Variants in SLC26A9 observed in about 807,000 individuals in gnomAD.
The protein encoded by SLC26A9 is anion transporter/exchanger protein 9.
Under a neutral mutation model 87.1 loss-of-function variants are expected in SLC26A9, and 46 were observed. The observed-to-expected ratio is 0.53, with a 90% CI of 0.42 to 0.67. The LOEUF (loss-of-function observed/expected upper bound fraction) is 0.67, where lower values mean the gene tolerates loss of function less well. Ranked by LOEUF, SLC26A9 falls within the 30% of genes least tolerant of loss-of-function variation. The probability of loss-of-function intolerance (pLI) is 0.00; values close to 1 mark genes in which losing one functional copy is unlikely to be tolerated. For missense variants in SLC26A9, 927 were observed against 1,018.3 expected, an observed-to-expected ratio of 0.91 and a Z score of 1.22; for synonymous variants, 437 against 409.1, an observed-to-expected ratio of 1.07 and a Z score of -0.82.
intron 1 of SLC26A9, among the ~76,000 whole-genome samples, chr1:205,936,072 C>T (rs994474163): frequency 1.3e-5 from 2 of 152,198 alleles, no homozygotes; most frequent in African/African-American, 2.4e-5. Context: ...TTTTGCTTGG[C>T]GCTCAGCACG....
In SLC26A9 at chr1:205,929,242, G is replaced by T. The variant is rs1659207440; in HGVS notation, c.832C>A (p.His278Asn). The change falls in exon 7 of 21, where the codon CAC (histidine) becomes AAC (asparagine). Residue 278 changes from histidine to asparagine, a missense_variant. By Grantham distance (68) the His-to-Asn change is moderately conservative. Transcript: ENST00000367135. ...GTAGGGATGGGGAAGCGAATCTTGT[G>T]CATGTAGCGAGCATTGAGCTCCTTC... ...LVKELNARYMHKIRFPIPTEM... is the reference protein window; with the variant it reads ...LVKELNARYMNKIRFPIPTEM... 6.2e-7 allele frequency: 1 copy of T among 1,614,088 alleles called. No individual in the cohort carries two copies. Among genetic ancestry groups the T allele is most frequent in the Non-Finnish European group, 8.5e-7 (1 of 1,180,050 alleles).
In SLC26A9 at chr1:205,915,390, G is replaced by A. The variant is rs1048463338; in HGVS notation, c.2343C>T (p.Ser781=). 1 of 1,614,134 alleles carries A rather than the reference G, an allele frequency of 6.2e-7. No homozygotes were observed. Residue 781 remains serine, a synonymous_variant, in exon 21 of 21, where the codon AGC becomes AGT. Transcript: ENST00000367135. ...YWDLEQEMFG[S]MFHAETLTAL is the part of the protein sequence containing the mutation. ...CGGTCAGGGTCTCTGCGTGAAACATGCTCCCGAACATCTCCTGCAGGAACC... is the reference window on the plus strand; with the variant it reads ...CGGTCAGGGTCTCTGCGTGAAACATACTCCCGAACATCTCCTGCAGGAACC...
In SLC26A9 at chr1:205,913,620, G is replaced by A. The variant is rs949903432; in HGVS notation, c.*1737C>T. 6.5e-6 allele frequency: 1 copy of A among 152,684 alleles called. No homozygotes were observed. The highest frequency in any genetic ancestry group is 1.5e-5 in the Non-Finnish European group (1 of 68,062). The allele number at this position is 152,684 out of a possible 1,614,324, so 9.5% of individuals were successfully genotyped here. ...AAGGAGGTGGAGTAGGGGAGAGTGA[G>A]TTGTCATTGGCTAAGGCTCTTGTCC... is the stretch of plus-strand genomic sequence containing the variant. On this transcript the variant is annotated 3_prime_UTR_variant, in exon 21 of 21. Coordinates refer to ENST00000367135, the MANE Select transcript of SLC26A9 (RefSeq NM_052934.4).
intron 10 of SLC26A9, 29 bp downstream of exon 10, chr1:205,927,463 C>T (rs780555608): frequency 6.2e-7 from 1 of 1,600,614 alleles, no homozygotes; most frequent in Non-Finnish European, 8.5e-7. Context: ...CTTACCACCT[C>T]CCCCCAACTC....
intron 18 of SLC26A9, among the ~76,000 whole-genome samples, 154 bp downstream of exon 18, chr1:205,920,022 C>T (rs1353312186): frequency 1.3e-5 from 2 of 152,136 alleles, no homozygotes; most frequent in Non-Finnish European, 2.9e-5. Context: ...TCTCTTTGGA[C>T]TTGTACCTGA....
At chr1:205,934,161 C>T (rs891098824) in intron 2 of SLC26A9, among the ~76,000 whole-genome samples, 2 of 152,214 alleles carry the variant, frequency 1.3e-5, no homozygotes, top group African/African-American at 4.8e-5. Context: ...AAAGACAATG[C>T]TTTGTACCTT....
chr1:205,929,810 CACG>C, intron 6 of SLC26A9, 79 bp downstream of exon 6: 1 of 1,466,594 alleles, frequency 6.8e-7, no homozygotes, highest in Non-Finnish European at 9.1e-7. Flanking sequence ...ATGAGGAGCT[CACG>C]ACATCTTAAA....
intron 19 of SLC26A9, among the ~76,000 whole-genome samples, chr1:205,918,123 C>T (rs1304134134): frequency 6.6e-6 from 1 of 152,118 alleles, no homozygotes; most frequent in Non-Finnish European, 1.5e-5. Flanking sequence ...TTATGACCCA[C>T]AGAGGGCAGG....
chr1:205,921,967 T>C, intron 16 of SLC26A9, 120 bp from the exon 17 acceptor site: 1 of 1,284,268 alleles, frequency 7.8e-7, no homozygotes, highest in Non-Finnish European at 1.1e-6. Context: ...TCGGTGATGG[T>C]GAACACAGAC....
At chr1:205,931,839 G>C (rs1436924446) in intron 5 of SLC26A9, 21 bp downstream of exon 5, 1 of 1,607,190 alleles carries the variant, frequency 6.2e-7, no homozygotes, top group South Asian at 1.1e-5. Flanking sequence ...CTTCTAGCAG[G>C]GTTGGGGGCT....
chr1:205,928,402 A>C (rs1659170934), intron 8 of SLC26A9: 3 of 374,758 alleles, frequency 8.0e-6, no homozygotes, highest in Admixed American at 4.0e-5. Flanking sequence ...GCCTGTTCCA[A>C]CCCTGCAGGA....
At chr1:205,932,566 C>A in intron 4 of SLC26A9, 136 bp downstream of exon 4, 1 of 656,600 alleles carries the variant, frequency 1.5e-6, no homozygotes, top group Non-Finnish European at 2.4e-6. Flanking sequence ...ATGACATTCA[C>A]AGTGACCATT....
rs761896346 is a variant in SLC26A9, at chr1:205,921,575, G to A, written c.2046C>T (p.Ala682=). The change falls in exon 17 of 21, where the codon GCC becomes GCT. Residue 682 remains alanine (A), a synonymous_variant. Transcript: ENST00000367135. ...TTCCCGAGGGCCTCACCTTGGCCAG[G>A]GCCTTGATGCCCATCAAGTCCACGA... is the stretch of plus-strand genomic sequence containing the variant. ...VSFVDLMGIK[A]LAKLSSTYGK... is the part of the protein sequence containing the mutation. 1.2e-5 allele frequency: 20 copies of A among 1,608,370 alleles called. No homozygotes were observed. The highest frequency in any genetic ancestry group is 1.7e-4 in the Middle Eastern group (1 of 6,052).
intron 16 of SLC26A9, among the ~76,000 whole-genome samples, chr1:205,922,109 C>T (rs1184679514): frequency 1.3e-5 from 2 of 152,214 alleles, no homozygotes; most frequent in Non-Finnish European, 2.9e-5. Flanking sequence ...AGCCCACTCT[C>T]TCTGGGAGAA....
intron 17 of SLC26A9, among the ~76,000 whole-genome samples, chr1:205,921,014 A>G (rs1195347143): frequency 6.6e-6 from 1 of 152,186 alleles, no homozygotes; most frequent in Non-Finnish European, 1.5e-5. Flanking sequence ...CTCTGTGCCC[A>G]TTGTTCCCCT....
intron 19 of SLC26A9, 48 bp from the exon 20 acceptor site, chr1:205,917,402 C>T (rs753184013): frequency 4.4e-6 from 7 of 1,599,742 alleles, no homozygotes; most frequent in Non-Finnish European, 6.0e-6. Flanking sequence ...GACTGAACAG[C>T]AAAGTTGGTG....
At chr1:205,938,346 C>T (rs1659603529) in intron 1 of SLC26A9, among the ~76,000 whole-genome samples, 1 of 152,014 alleles carries the variant, frequency 6.6e-6, no homozygotes, top group South Asian at 2.1e-4. Context: ...CATTGCCTCC[C>T]TCTTCAAGTC....
intron 3 of SLC26A9, 33 bp downstream of exon 3, chr1:205,932,912 G>T: frequency 6.2e-7 from 1 of 1,612,334 alleles, no homozygotes. Flanking sequence ...GAGGGGAGTG[G>T]CAATCCAGGC....
At chr1:205,927,846 T>G in intron 9 of SLC26A9, 56 bp downstream of exon 9, 1 of 1,585,272 alleles carries the variant, frequency 6.3e-7, no homozygotes, top group South Asian at 1.2e-5. Context: ...AGATATGTCA[T>G]GCCAGGCCTG....
Sources: allele counts gnomAD v4.1 joint callset (sites outside exome capture counted in the v4.1 genomes callset), GRCh38; gene constraint gnomAD v4.1.1; transcripts MANE v1.5; gene names NCBI Gene and HGNC (gene_info 2026-07-23, HGNC 2026-07-21).